Variants in RAF1 observed in about 807,000 individuals in gnomAD.
The protein encoded by RAF1 is RAF proto-oncogene serine/threonine-protein kinase.
RAF1 carries 27 observed loss-of-function variants against 81.1 expected under a neutral mutation model. That is an observed-to-expected ratio of 0.33 (90% CI 0.25 to 0.46). The LOEUF (loss-of-function observed/expected upper bound fraction) is 0.46. Ranked by LOEUF, RAF1 falls within the 20% of genes least tolerant of loss-of-function variation. RAF1 has a pLI of 1.00. For missense variants in RAF1, 598 were observed against 826.0 expected, an observed-to-expected ratio of 0.72 and a Z score of 3.38; for synonymous variants, 298 against 294.0, an observed-to-expected ratio of 1.01 and a Z score of -0.14.
chr3:12,651,836 C>G (rs1258590840), intron 1 of RAF1, among the ~76,000 whole-genome samples: 2 of 151,008 alleles, frequency 1.3e-5, no homozygotes, highest in Admixed American at 6.6e-5. Context: ...ATGGTGAAAA[C>G]CCGTCTCTAC....
chr3:12,612,298 T>C (rs2059237521), intron 2 of RAF1, among the ~76,000 whole-genome samples: 1 of 151,932 alleles, frequency 6.6e-6, no homozygotes, highest in African/African-American at 2.4e-5. Flanking sequence ...TGGAGAGGAG[T>C]CCATGATATA....
chr3:12,589,337 A>G (rs1448034203), intron 13 of RAF1: 2 of 152,164 alleles, frequency 1.3e-5, no homozygotes, highest in South Asian at 2.1e-4. Context: ...TTATATCTCA[A>G]TTTTTCTGAA....
intron 6 of RAF1, among the ~76,000 whole-genome samples, chr3:12,605,459 G>A (rs1332619100): frequency 1.3e-5 from 2 of 152,066 alleles, no homozygotes; most frequent in Non-Finnish European, 2.9e-5. Flanking sequence ...TGTATTTTTA[G>A]TAGAGATGGG....
chr3:12,628,279 C>T (rs1246773831), intron 1 of RAF1, among the ~76,000 whole-genome samples: 4 of 152,020 alleles, frequency 2.6e-5, no homozygotes, highest in South Asian at 4.1e-4. Context: ...TGGGCTAATC[C>T]CTGCACTTTG....
rs780604764 is a variant in RAF1, at chr3:12,606,309, A to G, written c.582-10T>C. ...GGAATTTGGAAACAATCTAAACAAA[A>G]GCAGGGAAAGACTGGTTTTTAGGCT... On this transcript the variant is annotated splice_polypyrimidine_tract_variant and intron_variant, in intron 5 of 17. Transcript: ENST00000442415. 3 of 1,597,054 alleles carry G rather than the reference A, an allele frequency of 1.9e-6. No individual in the cohort carries two copies. The highest frequency in any genetic ancestry group is 3.3e-5 in the Admixed American group (2 of 59,838).
intron 1 of RAF1, among the ~76,000 whole-genome samples, chr3:12,642,638 G>C (rs1202820804): frequency 6.7e-6 from 1 of 149,602 alleles, no homozygotes; most frequent in Non-Finnish European, 1.5e-5. Flanking sequence ...AAGTTTTATA[G>C]ACAGTCCAGA....
At position 12,600,352 on chromosome 3, in the gene RAF1, C is replaced by T. The variant is rs374772888; in HGVS notation, c.922+36G>A. The T allele has an allele frequency of 3.1e-6, 5 of 1,613,876 alleles. No homozygotes were observed. The African/African-American group carries it at 5.3e-5, about 17-fold the overall frequency. ...AGATACACCGCATAAAGAAAAAAAGCCCATTATTGTTGGCTAAATGACTAT... is the reference window on the plus strand; with the variant it reads ...AGATACACCGCATAAAGAAAAAAAGTCCATTATTGTTGGCTAAATGACTAT... On this transcript the variant is annotated intron_variant, in intron 9 of 17. Coordinates refer to ENST00000442415, the MANE Select transcript of RAF1 (RefSeq NM_001354689.3).
intron 5 of RAF1, among the ~76,000 whole-genome samples, chr3:12,606,857 A>C (rs2059049498): frequency 6.6e-6 from 1 of 151,562 alleles, no homozygotes; most frequent in Admixed American, 6.6e-5. Context: ...CCTTCCCCCA[A>C]TTTTTGTATT....
chr3:12,596,380 G>C (rs921931674), intron 11 of RAF1, among the ~76,000 whole-genome samples: 5 of 151,784 alleles, frequency 3.3e-5, no homozygotes, highest in African/African-American at 1.2e-4. Context: ...TTTTAGTGGA[G>C]ACAGGGTTTC....
intron 1 of RAF1, among the ~76,000 whole-genome samples, chr3:12,628,317 G>C (rs2059766230): frequency 6.6e-6 from 1 of 151,942 alleles, no homozygotes; most frequent in Non-Finnish European, 1.5e-5. Context: ...GATCACTTAA[G>C]CCCAGGAGTT....
chr3:12,608,943 G>C lies in RAF1; in HGVS notation c.424-20C>G, dbSNP rs767038168. ...CCGAGCCTACAACAAGAACACAGGTGTAAATTATGCTGAATAAATAAAAGA... is the reference window on the plus strand; with the variant it reads ...CCGAGCCTACAACAAGAACACAGGTCTAAATTATGCTGAATAAATAAAAGA... On this transcript the variant is annotated intron_variant, in intron 4 of 17. Coordinates refer to ENST00000442415, the MANE Select transcript of RAF1 (RefSeq NM_001354689.3). 1 of 1,613,854 alleles carries C rather than the reference G, an allele frequency of 6.2e-7. No homozygotes were observed. The highest frequency in any genetic ancestry group is 8.5e-7 in the Non-Finnish European group (1 of 1,179,812).
In RAF1 at chr3:12,585,088, C is replaced by G. The variant is rs750026215; in HGVS notation, c.1728+34G>C. 6 of 1,614,052 alleles carry G rather than the reference C, an allele frequency of 3.7e-6. No homozygotes were observed. The Admixed American group carries it at 5.0e-5, about 13-fold the overall frequency. ...GCTGGCGGAGGCCCAGGGGCTCCCA[C>G]GAGTTGGGTCCTTTCGCACCAGCAC... is the stretch of plus-strand genomic sequence containing the variant. On this transcript the variant is annotated intron_variant, in intron 16 of 17. Transcript: ENST00000442415.
Position 12,584,983 on chromosome 3 carries a change from T to C in RAF1, c.1729-2A>G. On this transcript the variant is annotated splice_acceptor_variant, in intron 16 of 17. Transcript: ENST00000442415. LOFTEE classifies it high-confidence loss of function. ...TCCTCGGCCCACCATGAAGATGATC[T>C]AAGGGAAAGAAAACAGCTGAGCTAA... is the stretch of plus-strand genomic sequence containing the variant. 1 of 1,614,114 alleles carries C rather than the reference T, an allele frequency of 6.2e-7. No homozygotes were observed. Among genetic ancestry groups the C allele is most frequent in the Non-Finnish European group, 8.5e-7 (1 of 1,180,026 alleles).
chr3:12,612,628 G>A (rs1443687797), intron 2 of RAF1, among the ~76,000 whole-genome samples: 1 of 133,012 alleles, frequency 7.5e-6, no homozygotes, highest in African/African-American at 2.9e-5. Flanking sequence ...CAGCCTGGGT[G>A]ACAAGAACGA....
chr3:12,600,010 A>C (rs951359878), intron 10 of RAF1, 142 bp downstream of exon 9: 2 of 1,420,716 alleles, frequency 1.4e-6, no homozygotes, highest in African/African-American at 2.8e-5. Flanking sequence ...GTGTGCCAAA[A>C]ATGACAGTAA....
At chr3:12,646,546 TG>T (rs2060354040) in intron 1 of RAF1, among the ~76,000 whole-genome samples, 2 of 147,882 alleles carry the variant, frequency 1.4e-5, no homozygotes, top group South Asian at 4.2e-4. Flanking sequence ...TGCTAATTTT[TG>T]TATTTGTCTT....
chr3:12,647,801 T>G (rs973817092), intron 1 of RAF1, among the ~76,000 whole-genome samples: 1 of 152,164 alleles, frequency 6.6e-6, no homozygotes, highest in Non-Finnish European at 1.5e-5. Flanking sequence ...TCTTTCTCAA[T>G]TTCTGACCAC....
intron 1 of RAF1, among the ~76,000 whole-genome samples, chr3:12,624,898 A>ACG (rs2059658004): frequency 7.4e-6 from 1 of 135,370 alleles, no homozygotes; most frequent in African/African-American, 3.3e-5. Flanking sequence ...AAAAAAAAAA[A>ACG]AAAACAAAAA....
intron 1 of RAF1, among the ~76,000 whole-genome samples, chr3:12,647,952 C>T (rs55762590): frequency 0.21 from 31,721 of 152,136 alleles, 3,587 homozygotes; most frequent in African/African-American, 0.29. Flanking sequence ...TTTAAAAATA[C>T]AAGTTAAAAA....
Sources: allele counts gnomAD v4.1 joint callset (sites outside exome capture counted in the v4.1 genomes callset), GRCh38; gene constraint gnomAD v4.1.1; transcripts MANE v1.5; gene names NCBI Gene and HGNC (gene_info 2026-07-23, HGNC 2026-07-21).